The following GATD1 variants were observed in gnomAD, a reference collection of about 807,000 sequenced individuals.
GATD1 encodes glutamine amidotransferase-like class 1 domain-containing protein 1.
In GATD1, 23 loss-of-function variants were observed where a neutral mutation model predicts 25.9. The observed-to-expected ratio is 0.89, with a 90% CI of 0.64 to 1.26. The LOEUF is 1.26. GATD1 is among the 50% of genes most tolerant of loss of function. GATD1 has a pLI of 0.00. For synonymous variants in GATD1, 177 were observed against 134.6 expected (o/e 1.31, Z -2.18); for missense variants, 347 against 312.5 (o/e 1.11, Z -0.83).
At chr11:773,701 G>T (rs887014639) in intron 3 of GATD1, 72 bp from the exon 4 acceptor site, 20 of 1,175,628 alleles carry the variant, frequency 1.7e-5, no homozygotes, top group Non-Finnish European at 2.4e-5. Flanking sequence ...AGGCCCGAGT[G>T]CGTGGCCAGG....
At position 769,224 on chromosome 11, in the gene GATD1, C is replaced by T. The variant is rs542852988; in HGVS notation, c.*1673G>A. Reference sequence around the variant, plus strand: ...CTAAGTGGGCATCCTGACTAATCTGCGAGGCACTGGAGGGACGCAGCCTTC... The same window carrying T: ...CTAAGTGGGCATCCTGACTAATCTGTGAGGCACTGGAGGGACGCAGCCTTC... On this transcript the variant is annotated 3_prime_UTR_variant, in exon 8 of 8. Transcript: ENST00000319863. The T allele has an allele frequency of 3.9e-5, 38 of 985,484 alleles. No individual in the cohort carries two copies. Among genetic ancestry groups the T allele is most frequent in the Admixed American group, 1.2e-4 (2 of 16,290 alleles). 61.0% of individuals were successfully genotyped at this position (985,484 alleles called of 1,614,324 possible). A position where few individuals can be genotyped will look rare whatever the true frequency, so the allele number is the denominator to read the frequency against.
Position 774,211 on chromosome 11 carries a change from C to A in GATD1, c.142-98G>T. 4 of 1,004,704 alleles carry A rather than the reference C, an allele frequency of 4.0e-6. No individual in the cohort carries two copies. In the South Asian group the frequency reaches 4.4e-5, roughly 11 times the overall value. The allele number at this position is 1,004,704 out of a possible 1,614,324, so 62.2% of individuals were successfully genotyped here. A position where few individuals can be genotyped will look rare whatever the true frequency, so the allele number is the denominator to read the frequency against. On this transcript the variant is annotated intron_variant, in intron 2 of 7. Transcript: ENST00000319863. Reference sequence around the variant, plus strand: ...AAGCTGACAAGGGACCCAACAGCATCCCCCTGAGGCACAAAGGCCCCCGAC... The same window carrying A: ...AAGCTGACAAGGGACCCAACAGCATACCCCTGAGGCACAAAGGCCCCCGAC...
intron 4 of GATD1, chr11:773,272 A>T: frequency 4.2e-6 from 2 of 472,218 alleles, no homozygotes; most frequent in Non-Finnish European, 7.5e-6. Context: ...CTTGCTCAGG[A>T]GGGCATGGCC....
chr11:770,089 C>T lies in GATD1; in HGVS notation c.*808G>A, dbSNP rs1366219916. On this transcript the variant is annotated 3_prime_UTR_variant, in exon 8 of 8. Coordinates refer to ENST00000319863, the MANE Select transcript of GATD1 (RefSeq NM_182612.4). ...GTAGAGGGCCTAAGCCTCTCCTGGA[C>T]GCCCTAACCTGGGGCCAGGGGGCAG... 1.1e-5 allele frequency: 13 copies of T among 1,206,884 alleles called. No homozygotes were observed. The East Asian group carries it at 1.4e-4, about 13-fold the overall frequency. 74.8% of individuals were successfully genotyped at this position (1,206,884 alleles called of 1,614,324 possible). A position where few individuals can be genotyped will look rare whatever the true frequency, so the allele number is the denominator to read the frequency against.
At position 770,421 on chromosome 11, in the gene GATD1, G is replaced by A. The variant is rs914242281; in HGVS notation, c.*476C>T. 6.6e-7 allele frequency: 1 copy of A among 1,514,506 alleles called. No individual in the cohort carries two copies. The highest frequency in any genetic ancestry group is 1.4e-5 in the African/African-American group (1 of 72,104). 93.8% of individuals were successfully genotyped at this position (1,514,506 alleles called of 1,614,324 possible). A position where few individuals can be genotyped will look rare whatever the true frequency, so the allele number is the denominator to read the frequency against. Reference sequence around the variant, plus strand: ...CTCCTAAAAAATTCCGTTCACCTTTGGCCAAAGTTCTGAGCCAGCTCCCGC... The same window carrying A: ...CTCCTAAAAAATTCCGTTCACCTTTAGCCAAAGTTCTGAGCCAGCTCCCGC... On this transcript the variant is annotated 3_prime_UTR_variant, in exon 8 of 8. Coordinates refer to ENST00000319863, the MANE Select transcript of GATD1 (RefSeq NM_182612.4).
Position 770,294 on chromosome 11 carries a change from T to C in GATD1, c.*603A>G. On this transcript the variant is annotated 3_prime_UTR_variant, in exon 8 of 8. Coordinates refer to ENST00000319863, the MANE Select transcript of GATD1 (RefSeq NM_182612.4). ...GTGCCTCTCAATGCTTAGGACAGGG[T>C]GCATCACTGAGGTGCTTACACTTTG... The C allele has an allele frequency of 6.6e-7, 1 of 1,519,956 alleles. No homozygotes were observed. 94.2% of individuals were successfully genotyped at this position (1,519,956 alleles called of 1,614,324 possible).
intron 4 of GATD1, 105 bp from the exon 5 acceptor site, chr11:772,626 C>T: frequency 3.9e-6 from 4 of 1,019,486 alleles, no homozygotes; most frequent in Non-Finnish European, 5.9e-6. Flanking sequence ...TGCCGCCTGC[C>T]TGGCCCCTCC....
intron 4 of GATD1, 158 bp downstream of exon 4, chr11:773,364 C>G: frequency 3.2e-6 from 2 of 631,806 alleles, no homozygotes; most frequent in Non-Finnish European, 5.5e-6. Flanking sequence ...GGGGAAGGGG[C>G]AGTCCCTGCC....
At position 770,829 on chromosome 11, in the gene GATD1, G is replaced by C; in HGVS notation, c.*68C>G. The C allele has an allele frequency of 6.4e-7, 1 of 1,555,260 alleles. No individual in the cohort carries two copies. The highest frequency in any genetic ancestry group is 8.7e-7 in the Non-Finnish European group (1 of 1,147,800). ...TCAGGAGGGAAGAGGCGGGGTCCCT[G>C]AAGCCTGAGACGGGGCTGCCTCTGG... is the stretch of plus-strand genomic sequence containing the variant. On this transcript the variant is annotated 3_prime_UTR_variant, in exon 8 of 8. Transcript: ENST00000319863.
At chr11:772,608 C>T in intron 4 of GATD1, 87 bp from the exon 5 acceptor site, 1 of 1,260,804 alleles carries the variant, frequency 7.9e-7, no homozygotes, top group Non-Finnish European at 1.1e-6. Context: ...GTGGCTCCCC[C>T]AGGCTTGTGC....
rs7930569 is a variant in GATD1, at chr11:771,034, A to G, written c.615T>C (p.Thr205=). ...HLVTGQNASS[T]VPAVQNLLFL... is the part of the protein sequence containing the mutation. Reference sequence around the variant, plus strand: ...AGAGCAGGTTCTGCACGGCCGGGACAGTGGAGCTGGCATTCTGGCCTGTGA... The same window carrying G: ...AGAGCAGGTTCTGCACGGCCGGGACGGTGGAGCTGGCATTCTGGCCTGTGA... Residue 205 remains threonine (T), a synonymous_variant, in exon 7 of 8, where the codon ACT becomes ACC. Transcript: ENST00000319863. The G allele has an allele frequency of 0.48, 775,166 of 1,611,842 alleles. 189,583 individuals are homozygous for G. Among genetic ancestry groups the G allele is most frequent in the Admixed American group, 0.59 (35,377 of 59,788 alleles).
chr11:770,445 G>C lies in GATD1; in HGVS notation c.*452C>G, dbSNP rs1349780672. 6.8e-7 allele frequency: 1 copy of C among 1,480,540 alleles called. No individual in the cohort carries two copies. The highest frequency in any genetic ancestry group is 9.0e-7 in the Non-Finnish European group (1 of 1,116,350). The allele number at this position is 1,480,540 out of a possible 1,614,324, so 91.7% of individuals were successfully genotyped here. On this transcript the variant is annotated 3_prime_UTR_variant, in exon 8 of 8. Transcript: ENST00000319863. ...TGGCCAAAGTTCTGAGCCAGCTCCCGCCGGCTGGGCCCTCCCCTCAAGGCC... is the reference window on the plus strand; with the variant it reads ...TGGCCAAAGTTCTGAGCCAGCTCCCCCCGGCTGGGCCCTCCCCTCAAGGCC...
intron 4 of GATD1, 80 bp downstream of exon 4, chr11:773,442 C>T (rs541628528): frequency 6.6e-6 from 8 of 1,207,470 alleles, no homozygotes; most frequent in Non-Finnish European, 9.5e-6. Flanking sequence ...AGTCTTCCCA[C>T]CTCTCTTCTG....
rs1028234280 is a variant in GATD1 at position 770,034 on chromosome 11, C to T, written c.*863G>A. On this transcript the variant is annotated 3_prime_UTR_variant, in exon 8 of 8. Coordinates refer to ENST00000319863, the MANE Select transcript of GATD1 (RefSeq NM_182612.4). ...GGGAGGTGGGCAGGAAGAAGGCCTT[C>T]GATGGCTCAAACTGGGGAACTGTGA... 3.7e-5 allele frequency: 41 copies of T among 1,116,316 alleles called. No individual in the cohort carries two copies. Among genetic ancestry groups the T allele is most frequent in the East Asian group, 9.5e-5 (2 of 21,108 alleles). 69.2% of individuals were successfully genotyped at this position (1,116,316 alleles called of 1,614,324 possible).
Position 769,020 on chromosome 11 carries a change from G to A in GATD1, c.*1877C>T, listed in dbSNP as rs890763590. On this transcript the variant is annotated 3_prime_UTR_variant, in exon 8 of 8. Transcript: ENST00000319863. ...GGAGGCTGAGGCAGGAGAATCGCTT[G>A]AACCCGGGAGACAGAGGTTGCAGTG... 2 of 524,316 alleles carry A rather than the reference G, an allele frequency of 3.8e-6. No individual in the cohort carries two copies. Among genetic ancestry groups the A allele is most frequent in the Non-Finnish European group, 4.9e-6 (2 of 408,962 alleles). 32.5% of individuals were successfully genotyped at this position (524,316 alleles called of 1,614,324 possible).
chr11:767,665 G>A lies in GATD1; in HGVS notation c.*3232C>T. 8.1e-7 allele frequency: 1 copy of A among 1,236,100 alleles called. No individual in the cohort carries two copies. Among genetic ancestry groups the A allele is most frequent in the Non-Finnish European group, 1.0e-6 (1 of 981,542 alleles). 76.6% of individuals were successfully genotyped at this position (1,236,100 alleles called of 1,614,324 possible). On this transcript the variant is annotated 3_prime_UTR_variant, in exon 8 of 8. Transcript: ENST00000319863. ...AACCCACCTGCTTAAGTCCTCACCT[G>A]CAAGGGGATGGTATTAGGTGGGGCA...
chr11:775,006 C>T (rs1863817124), intron 2 of GATD1, 60 bp downstream of exon 2: 4 of 1,476,318 alleles, frequency 2.7e-6, no homozygotes, highest in Non-Finnish European at 2.8e-6. Context: ...CCTGACCTTG[C>T]CCCCGGAGAG....
intron 6 of GATD1, 102 bp downstream of exon 6, chr11:771,231 G>A (rs1340182358): frequency 1.9e-6 from 3 of 1,548,670 alleles, no homozygotes; most frequent in East Asian, 2.4e-5. Flanking sequence ...GTGCCATGGG[G>A]GTCTATAGAA....
chr11:775,375 AGAAC>A (rs1863860260), intron 1 of GATD1, among the ~76,000 whole-genome samples: 1 of 152,238 alleles, frequency 6.6e-6, no homozygotes, highest in South Asian at 2.1e-4. Flanking sequence ...CAGGTCTGCC[AGAAC>A]GGTAGGCCAT....
Sources: allele counts gnomAD v4.1 joint callset (sites outside exome capture counted in the v4.1 genomes callset), GRCh38; gene constraint gnomAD v4.1.1; transcripts MANE v1.5; gene names NCBI Gene and HGNC (gene_info 2026-07-23, HGNC 2026-07-21).